The following CFLAR variants were observed in gnomAD, a reference collection of about 807,000 sequenced individuals.
CFLAR encodes CASP8 and FADD-like apoptosis regulator.
A neutral mutation model predicts 51.1 loss-of-function variants in CFLAR; 14 were observed. The ratio of observed to expected loss-of-function variants is 0.27; its 90% confidence interval spans 0.18 to 0.43. The LOEUF (loss-of-function observed/expected upper bound fraction) is 0.43. Ranked by LOEUF, CFLAR falls within the 20% of genes least tolerant of loss-of-function variation. The probability of loss-of-function intolerance (pLI) is 1.00; values close to 1 mark genes in which losing one functional copy is unlikely to be tolerated. For synonymous variants in CFLAR, 210 were observed against 211.6 expected (o/e 0.99, Z 0.06); for missense variants, 390 against 566.5 (o/e 0.69, Z 3.16).
chr2:201,132,430 A>AAAAAAAAT (rs34318341), intron 2 of CFLAR, among the ~76,000 whole-genome samples: 194 of 137,952 alleles, frequency 1.4e-3, no homozygotes, highest in African/African-American at 5.1e-3. Flanking sequence ...GGGGGGGAAA[A>AAAAAAAAT]ATATATATAT....
chr2:201,135,093 C>T (rs754024603), intron 3 of CFLAR, among the ~76,000 whole-genome samples: 23 of 152,136 alleles, frequency 1.5e-4, no homozygotes, highest in Non-Finnish European at 2.8e-4. Context: ...AAATATCGTT[C>T]GTTCATAATC....
In CFLAR at chr2:201,138,719, G is replaced by A. The variant is rs1490012870; in HGVS notation, c.524-1638G>A. ...TCAGCACCACGGGGTGTGTGATAAA[G>A]CCCGGTTCAAACTTCTTGACCTTCT... is the stretch of plus-strand genomic sequence containing the variant. On this transcript the variant is annotated intron_variant, in intron 4 of 9. Coordinates refer to ENST00000309955, the MANE Select transcript of CFLAR (RefSeq NM_003879.7). The surrounding 1 kb of genome is among the most constrained non-coding windows in gnomAD (Gnocchi z 4.0). The A allele has an allele frequency of 3.4e-5, 27 of 801,570 alleles. No homozygotes were observed. The highest frequency in any genetic ancestry group is 5.3e-5 in the Non-Finnish European group (24 of 449,858). The allele number at this position is 801,570 out of a possible 1,614,324, so 49.7% of individuals were successfully genotyped here.
chr2:201,134,286 C>T (rs1220431771), intron 3 of CFLAR, among the ~76,000 whole-genome samples: 3 of 151,194 alleles, frequency 2.0e-5, no homozygotes, highest in African/African-American at 2.4e-5. Flanking sequence ...CCAGCCTGGG[C>T]GACGGAGCAA....
At position 201,172,934 on chromosome 2, in the gene CFLAR, A is replaced by G. The variant is rs747706124; in HGVS notation, c.*8961A>G. 6 of 152,254 alleles carry G rather than the reference A, an allele frequency of 3.9e-5. No homozygotes were observed. Among genetic ancestry groups the G allele is most frequent in the Non-Finnish European group, 8.8e-5 (6 of 68,048 alleles). 9.4% of individuals were successfully genotyped at this position (152,254 alleles called of 1,614,324 possible). A position where few individuals can be genotyped will look rare whatever the true frequency, so the allele number is the denominator to read the frequency against. On this transcript the variant is annotated 3_prime_UTR_variant, in exon 10 of 10. Coordinates refer to ENST00000309955, the MANE Select transcript of CFLAR (RefSeq NM_003879.7). ...TACCTTAGAAGTGAGAGTGCTCATC[A>G]TATAGTAACTCTATGTTTAGCCTTT...
chr2:201,136,058 C>A lies in CFLAR; in HGVS notation c.474C>A (p.Asn158Lys). Reference sequence around the variant, plus strand: ...ATTTATTAGAAAAATGCCTAAAGAACATCCACAGAATAGACCTGAAGACAA... The same window carrying A: ...ATTTATTAGAAAAATGCCTAAAGAAAATCCACAGAATAGACCTGAAGACAA... ...QLDLLEKCLK[N>K]IHRIDLKTKI... The change falls in exon 4 of 10, where the codon AAC becomes AAA. Residue 158 changes from asparagine to lysine, a missense_variant. Coordinates refer to ENST00000309955, the MANE Select transcript of CFLAR (RefSeq NM_003879.7). 1 of 1,614,086 alleles carries A rather than the reference C, an allele frequency of 6.2e-7. No homozygotes were observed. The highest frequency in any genetic ancestry group is 8.5e-7 in the Non-Finnish European group (1 of 1,180,030).
intron 4 of CFLAR, 162 bp downstream of exon 4, chr2:201,136,269 C>T (rs1192256608): frequency 1.2e-6 from 2 of 1,600,778 alleles, no homozygotes; most frequent in African/African-American, 2.7e-5. Flanking sequence ...CCTTTATATT[C>T]TTCATATCCC....
chr2:201,132,958 G>T (rs1468282865), intron 2 of CFLAR, 71 bp from the exon 3 acceptor site: 3 of 1,536,108 alleles, frequency 2.0e-6, no homozygotes, highest in Admixed American at 1.7e-5. Context: ...TTGCATAGGG[G>T]AGGCGTGGGC....
At chr2:201,151,969 CTT>C (rs1941351701) in intron 8 of CFLAR, among the ~76,000 whole-genome samples, 2 of 150,690 alleles carry the variant, frequency 1.3e-5, no homozygotes, top group Admixed American at 1.3e-4. Flanking sequence ...TCCCTGGCCT[CTT>C]TATTTTTTTT....
At chr2:201,145,314 G>A (rs41271459) in intron 5 of CFLAR, 64 bp from the exon 6 acceptor site, 247 of 902,556 alleles carry the variant, frequency 2.7e-4, no homozygotes, top group Non-Finnish European at 4.1e-4. Flanking sequence ...TTAAAGAGGT[G>A]TAATGTATAG....
rs1943944236 is a variant in CFLAR, at chr2:201,170,441, T to TG, written c.*6470dup. On this transcript the variant is annotated 3_prime_UTR_variant, in exon 10 of 10. Coordinates refer to ENST00000309955, the MANE Select transcript of CFLAR (RefSeq NM_003879.7). ...AGAGGAATTCCAAGAATGTCATAAATGGATGTTTCTCCATGGATGAAGGAA... is the reference window on the plus strand; with the variant it reads ...AGAGGAATTCCAAGAATGTCATAAATGGGATGTTTCTCCATGGATGAAGGAA... 6.6e-6 allele frequency: 1 copy of TG among 152,226 alleles called. No homozygotes were observed. Among genetic ancestry groups the TG allele is most frequent in the Non-Finnish European group, 1.5e-5 (1 of 68,030 alleles). The allele number at this position is 152,226 out of a possible 1,614,324, so 9.4% of individuals were successfully genotyped here.
chr2:201,156,406 C>T (rs987063694), intron 8 of CFLAR, among the ~76,000 whole-genome samples: 4 of 152,186 alleles, frequency 2.6e-5, no homozygotes, highest in Non-Finnish European at 5.9e-5. Context: ...TACCCATGTG[C>T]TCTATAGCAG....
chr2:201,150,901 G>A (rs1011843606), intron 8 of CFLAR, among the ~76,000 whole-genome samples: 2 of 152,146 alleles, frequency 1.3e-5, no homozygotes, highest in Non-Finnish European at 2.9e-5. Flanking sequence ...CATCATTTAC[G>A]GTAGTTGGTG....
At chr2:201,155,542 G>A (rs899997001) in intron 8 of CFLAR, among the ~76,000 whole-genome samples, 1 of 151,988 alleles carries the variant, frequency 6.6e-6, no homozygotes, top group Non-Finnish European at 1.5e-5. Context: ...GGGATCACGG[G>A]GATGAGCCAT....
rs1464698381 is a variant in CFLAR, at chr2:201,172,894, G to C, written c.*8921G>C. 1 of 152,166 alleles carries C rather than the reference G, an allele frequency of 6.6e-6. No homozygotes were observed. The highest frequency in any genetic ancestry group is 1.5e-5 in the Non-Finnish European group (1 of 68,030). 9.4% of individuals were successfully genotyped at this position (152,166 alleles called of 1,614,324 possible). On this transcript the variant is annotated 3_prime_UTR_variant, in exon 10 of 10. Transcript: ENST00000309955. The stretch of plus-strand genomic sequence containing the variant: ...ATTTTTATATGGATATATGTTTTCA[G>C]TTCTTCTGGGCATATACCTTAGAAG...
rs1944020960 is a variant in CFLAR, at chr2:201,171,643, C to T, written c.*7670C>T. The T allele has an allele frequency of 6.7e-6, 1 of 148,334 alleles. No individual in the cohort carries two copies. Among genetic ancestry groups the T allele is most frequent in the Admixed American group, 6.8e-5 (1 of 14,756 alleles). The allele number at this position is 148,334 out of a possible 1,614,324, so 9.2% of individuals were successfully genotyped here. The stretch of plus-strand genomic sequence containing the variant: ...AACCCGCACATCCTGCACTTGTATC[C>T]AGAACTTAAAATATTTTAAAAATCT... On this transcript the variant is annotated 3_prime_UTR_variant, in exon 10 of 10. Coordinates refer to ENST00000309955, the MANE Select transcript of CFLAR (RefSeq NM_003879.7).
Position 201,140,365 on chromosome 2 carries a change from G to GCA in CFLAR, c.533_534dup (p.Gly179GlnfsTer47). On this transcript the variant is annotated frameshift_variant, in exon 5 of 10. Transcript: ENST00000309955. LOFTEE classifies it high-confidence loss of function. ...CCCTTCTGCTTTTATAGTTCAAGGA[G>GCA]CAGGGACAAGTTACAGGAATGTTCT... is the stretch of plus-strand genomic sequence containing the variant. 1 of 1,608,010 alleles carries GCA rather than the reference G, an allele frequency of 6.2e-7. No individual in the cohort carries two copies. The highest frequency in any genetic ancestry group is 8.5e-7 in the Non-Finnish European group (1 of 1,177,522).
chr2:201,139,921 C>T, intron 4 of CFLAR: 1 of 168,446 alleles, frequency 5.9e-6, no homozygotes, highest in South Asian at 1.1e-4. Flanking sequence ...TCTCGTTCCA[C>T]CTAACGAGAA....
chr2:201,140,631 CTA>C (rs1170610987), intron 5 of CFLAR, 192 bp downstream of exon 5: 16 of 523,502 alleles, frequency 3.1e-5, no homozygotes, highest in Non-Finnish European at 5.0e-5. Flanking sequence ...TATTTGGAGA[CTA>C]TAGAGAAAGA....
At chr2:201,136,477 C>T (rs769462233) in intron 4 of CFLAR, 20 of 1,593,564 alleles carry the variant, frequency 1.3e-5, no homozygotes, top group South Asian at 4.4e-5. Context: ...TGTCCAACTT[C>T]GGGTGATGTC....
Sources: gnomAD v4.1 joint callset for allele counts (sites outside exome capture counted in the v4.1 genomes callset) on GRCh38, gnomAD v4.1.1 for gene constraint, Gnocchi (gnomAD v3.1) non-coding constraint, MANE v1.5 for transcripts, NCBI Gene and HGNC (gene_info 2026-07-23, HGNC 2026-07-21) for gene names.